HDAC9: variants seen among roughly 807,000 people sequenced by gnomAD.
HDAC9 encodes MEF-2 interacting transcription repressor (MITR) protein.
A neutral mutation model predicts 139.4 loss-of-function variants in HDAC9; 41 were observed. That is an observed-to-expected ratio of 0.29 (90% CI 0.23 to 0.38). HDAC9 has a LOEUF of 0.38. Among genes scored for constraint, HDAC9 ranks in the 10% least tolerant of loss-of-function variants. The pLI, the probability that HDAC9 is intolerant of heterozygous loss-of-function variation, is 1.00. For synonymous variants in HDAC9, 517 were observed against 476.2 expected, an observed-to-expected ratio of 1.09 and a Z score of -1.12; for missense variants, 1,147 against 1,297.0, an observed-to-expected ratio of 0.88 and a Z score of 1.78.
intron 13 of HDAC9, among the ~76,000 whole-genome samples, chr7:18,744,239 G>A (rs920139762): frequency 5.3e-4 from 81 of 152,070 alleles, no homozygotes; most frequent in African/African-American, 1.9e-3. Context: ...TGATCTGCCC[G>A]CCTTGGCCTC....
At chr7:18,265,552 A>T (rs982847765) in intron 2 of HDAC9, among the ~76,000 whole-genome samples, 1 of 152,136 alleles carries the variant, frequency 6.6e-6, no homozygotes. Context: ...CCTTATGATA[A>T]TTCAGTAGAT....
intron 2 of HDAC9, among the ~76,000 whole-genome samples, chr7:18,218,562 T>C (rs1172444965): frequency 3.3e-5 from 5 of 151,968 alleles, no homozygotes; most frequent in African/African-American, 9.7e-5. Flanking sequence ...CACAAGGGAG[T>C]AAATGCCAGA....
At chr7:18,919,140 A>G (rs1803465263) in intron 22 of HDAC9, among the ~76,000 whole-genome samples, 1 of 152,094 alleles carries the variant, frequency 6.6e-6, no homozygotes, top group Admixed American at 6.6e-5. Flanking sequence ...AAAATTTATA[A>G]TTGTCAGAAA....
intron 22 of HDAC9, among the ~76,000 whole-genome samples, chr7:18,889,911 C>A (rs1800526475): frequency 6.6e-6 from 1 of 152,162 alleles, no homozygotes; most frequent in African/African-American, 2.4e-5. Context: ...TGTTATGTTG[C>A]CCAGGCTGGT....
chr7:18,538,792 G>A (rs1041116611), intron 2 of HDAC9, among the ~76,000 whole-genome samples: 1 of 152,126 alleles, frequency 6.6e-6, no homozygotes, highest in African/African-American at 2.4e-5. Context: ...CTTTAACCAA[G>A]TTTCATTCTG....
chr7:18,702,106 A>C (rs1223251006), intron 12 of HDAC9, among the ~76,000 whole-genome samples: 2 of 148,596 alleles, frequency 1.3e-5, no homozygotes, highest in African/African-American at 5.0e-5. Context: ...GCAGGCTGGG[A>C]GCGTGGCTGT....
At chr7:18,237,478 T>A (rs147178503) in intron 2 of HDAC9, among the ~76,000 whole-genome samples, 1 of 152,254 alleles carries the variant, frequency 6.6e-6, no homozygotes, top group Non-Finnish European at 1.5e-5. Flanking sequence ...GAAGGTGGAA[T>A]CTTAAGAAAA....
chr7:18,783,293 A>G lies in HDAC9; in HGVS notation c.2215-10052A>G, dbSNP rs142188138. ...AGAACTCTTTCTTTAAACAGTTTGC[A>G]AAGAAAAGCATTTCTCTATGAAGTT... On this transcript the variant is annotated intron_variant, in intron 16 of 25. Coordinates refer to ENST00000686413, the MANE Select transcript of HDAC9 (RefSeq NM_178425.4). Among the ~76,000 whole-genome samples, 1,154 of 152,250 alleles carry G rather than the reference A, an allele frequency of 7.6e-3. 13 individuals are homozygous for G. The highest frequency in any genetic ancestry group is 0.026 in the African/African-American group (1,074 of 41,570).
At chr7:18,661,943 G>A (rs1212191913) in intron 11 of HDAC9, among the ~76,000 whole-genome samples, 3 of 152,060 alleles carry the variant, frequency 2.0e-5, no homozygotes, top group Non-Finnish European at 4.4e-5. Flanking sequence ...TTTGATTAAT[G>A]GACTGAACAA....
At chr7:18,801,560 G>C (rs1244437479) in intron 17 of HDAC9, among the ~76,000 whole-genome samples, 1 of 151,934 alleles carries the variant, frequency 6.6e-6, no homozygotes, top group African/African-American at 2.4e-5. Flanking sequence ...TTCTTATAAA[G>C]ACCCATCAAT....
At chr7:18,160,116 A>G (rs1435747781) in intron 1 of HDAC9, among the ~76,000 whole-genome samples, 6 of 152,216 alleles carry the variant, frequency 3.9e-5, no homozygotes, top group Admixed American at 1.3e-4. Flanking sequence ...TATATTTGCA[A>G]ATACACAAGT....
At chr7:18,410,453 T>C (rs1286381564) in intron 1 of HDAC9, among the ~76,000 whole-genome samples, 2 of 152,218 alleles carry the variant, frequency 1.3e-5, no homozygotes, top group Non-Finnish European at 2.9e-5. Context: ...CTATAGTTCT[T>C]TGTTTCAACA....
chr7:18,300,115 C>T (rs927987722), intron 1 of HDAC9, among the ~76,000 whole-genome samples: 10 of 152,296 alleles, frequency 6.6e-5, no homozygotes, highest in Middle Eastern at 6.8e-3. Flanking sequence ...GGGCCATGTG[C>T]AGCCCAGGGT....
chr7:18,121,499 A>G (rs1784361617), intron 1 of HDAC9, among the ~76,000 whole-genome samples: 1 of 150,994 alleles, frequency 6.6e-6, no homozygotes, highest in African/African-American at 2.4e-5. Context: ...AGGACAGGAC[A>G]TGTAGCTAAT....
At chr7:18,728,403 AC>A in intron 13 of HDAC9, among the ~76,000 whole-genome samples, 1 of 706 alleles carries the variant, frequency 1.4e-3, no homozygotes, top group Non-Finnish European at 3.2e-3. Context: ...TAAGTGTGGA[AC>A]ACACACACAC....
chr7:18,214,760 G>A (rs762965670), intron 2 of HDAC9, among the ~76,000 whole-genome samples: 1 of 152,030 alleles, frequency 6.6e-6, no homozygotes, highest in Non-Finnish European at 1.5e-5. Context: ...AAATTCATTA[G>A]TGAATGCAGC....
chr7:18,798,587 A>G (rs1196253870), intron 17 of HDAC9, among the ~76,000 whole-genome samples: 1 of 152,160 alleles, frequency 6.6e-6, no homozygotes, highest in Admixed American at 6.6e-5. Context: ...CAAAGCCTCA[A>G]TCCTAGAGAA....
At chr7:18,099,951 G>A (rs1405137828) in intron 1 of HDAC9, among the ~76,000 whole-genome samples, 1 of 152,034 alleles carries the variant, frequency 6.6e-6, no homozygotes, top group Non-Finnish European at 1.5e-5. Flanking sequence ...TCTATATCCA[G>A]ATTTTCCTCT....
At chr7:18,728,787 C>T (rs181926754) in intron 13 of HDAC9, among the ~76,000 whole-genome samples, 6 of 152,268 alleles carry the variant, frequency 3.9e-5, no homozygotes, top group Admixed American at 3.9e-4. Flanking sequence ...TTGATATTAT[C>T]TTTAGTTTAA....
Sources: gnomAD v4.1 joint callset for allele counts (sites outside exome capture counted in the v4.1 genomes callset) on GRCh38, gnomAD v4.1.1 for gene constraint, MANE v1.5 for transcripts, NCBI Gene and HGNC (gene_info 2026-07-23, HGNC 2026-07-21) for gene names.